Variants in CUX2 observed in about 807,000 individuals in gnomAD.
CUX2 encodes homeobox protein cut-like 2.
CUX2 carries 40 observed loss-of-function variants against 144.8 expected under a neutral mutation model. The observed-to-expected ratio is 0.28, with a 90% CI of 0.21 to 0.36. The LOEUF is 0.36. Ranked by LOEUF, CUX2 falls within the 10% of genes least tolerant of loss-of-function variation. The pLI is 1.00. For missense variants in CUX2, 1,615 were observed against 1,994.0 expected (o/e 0.81, Z 3.62); for synonymous variants, 827 against 875.6 (o/e 0.94, Z 0.98).
At chr12:111,319,917 A>C in intron 16 of CUX2, 95 bp from the exon 17 acceptor site, 34 of 1,389,938 alleles carry the variant, frequency 2.4e-5, no homozygotes, top group East Asian at 2.9e-5. Flanking sequence ...TTGCCTGGAC[A>C]CCGTGCTGGC....
intron 5 of CUX2, 29 bp downstream of exon 5, chr12:111,291,581 A>G (rs1372834387): frequency 6.5e-7 from 1 of 1,546,920 alleles, no homozygotes. Context: ...CGGAGCGTCT[A>G]CAATAAACAA....
At chr12:111,154,325 G>A (rs1253803416) in intron 1 of CUX2, among the ~76,000 whole-genome samples, 2 of 152,078 alleles carry the variant, frequency 1.3e-5, no homozygotes, top group Admixed American at 6.5e-5. Context: ...CTCCTGGAGC[G>A]AGACTTCAGA....
chr12:111,229,985 G>C (rs1443955973), intron 3 of CUX2, among the ~76,000 whole-genome samples: 1 of 148,102 alleles, frequency 6.8e-6, no homozygotes, highest in Non-Finnish European at 1.5e-5. Context: ...CTGCACTCCA[G>C]CCTGGATGAC....
chr12:111,209,041 C>G (rs1881064851), intron 1 of CUX2, among the ~76,000 whole-genome samples: 1 of 152,082 alleles, frequency 6.6e-6, no homozygotes, highest in African/African-American at 2.4e-5. Flanking sequence ...TGCCAGGGTC[C>G]AAATCATCGT....
At chr12:111,336,404 G>C (rs113915559) in intron 19 of CUX2, among the ~76,000 whole-genome samples, 1 of 149,508 alleles carries the variant, frequency 6.7e-6, no homozygotes, top group Admixed American at 6.7e-5. Flanking sequence ...CTCCCCATTG[G>C]CCTCTCAGAC....
chr12:111,310,186 G>T lies in CUX2; in HGVS notation c.1404G>T (p.Leu468Phe). 4 of 1,540,930 alleles carry T rather than the reference G, an allele frequency of 2.6e-6. No individual in the cohort carries two copies. The highest frequency in any genetic ancestry group is 3.5e-6 in the Non-Finnish European group (4 of 1,144,924). ...GGCAGCCCCTGCTGGGCCCCAGCTT[G>T]GGGCCTGACGGCACTCGGACTTTCT... ...SPGQPLLGPS[L>F]GPDGTRTFSL... The change falls in exon 15 of 22, where the codon TTG (leucine) becomes TTT (phenylalanine). Residue 468 changes from leucine to phenylalanine, a missense_variant. This residue lies in a region of CUX2 where 154 missense variants were observed against 148.4 expected (regional missense o/e 1.04). Transcript: ENST00000261726. This position sits in a 1 kb window ranked among gnomAD's most constrained non-coding sequence, Gnocchi z 7.9.
At position 111,310,418 on chromosome 12, in the gene CUX2, C is replaced by T. The variant is rs1027222206; in HGVS notation, c.1636C>T (p.Pro546Ser). The T allele has an allele frequency of 3.1e-6, 5 of 1,609,968 alleles. No individual in the cohort carries two copies. Among genetic ancestry groups the T allele is most frequent in the Non-Finnish European group, 4.2e-6 (5 of 1,178,698 alleles). Reference protein sequence around the residue: ...ADGGGGGAAGPGAEEEQLDTA... With the variant: ...ADGGGGGAAGSGAEEEQLDTA... ...TGGTGGTGGGGGCGGAGCGGCGGGG[C>T]CCGGGGCAGAGGAGGAGCAGCTGGA... is the stretch of plus-strand genomic sequence containing the variant. Residue 546 changes from proline (P) to serine (S), a missense_variant, in exon 15 of 22, where the codon CCC becomes TCC. By Grantham distance (74) the Pro-to-Ser change is moderately conservative. Transcript: ENST00000261726. The surrounding 1 kb of genome is among the most constrained non-coding windows in gnomAD (Gnocchi z 7.9).
intron 1 of CUX2, among the ~76,000 whole-genome samples, chr12:111,191,622 A>C (rs1234327734): frequency 1.3e-5 from 2 of 152,108 alleles, no homozygotes; most frequent in Non-Finnish European, 2.9e-5. Context: ...CCCCATACCC[A>C]GCCCTGCCAC....
intron 1 of CUX2, among the ~76,000 whole-genome samples, chr12:111,096,682 A>G (rs1872835737): frequency 6.6e-6 from 1 of 152,274 alleles, no homozygotes; most frequent in East Asian, 1.9e-4. Context: ...TTGAGCTGGA[A>G]TTGTTCAGGA....
chr12:111,083,242 G>A (rs528199816), intron 1 of CUX2, among the ~76,000 whole-genome samples: 53 of 152,304 alleles, frequency 3.5e-4, no homozygotes, highest in African/African-American at 1.2e-3. Context: ...CACCAAGCAG[G>A]TGACCATTGA....
intron 1 of CUX2, among the ~76,000 whole-genome samples, chr12:111,081,653 G>A (rs757255314): frequency 3.3e-5 from 5 of 152,186 alleles, no homozygotes; most frequent in Non-Finnish European, 7.3e-5. Context: ...ACAATTGGGA[G>A]AAGTTAGGAT....
At chr12:111,126,784 C>A (rs1052705672) in intron 1 of CUX2, among the ~76,000 whole-genome samples, 7 of 152,206 alleles carry the variant, frequency 4.6e-5, no homozygotes, top group African/African-American at 1.7e-4. Flanking sequence ...TTAACCATCA[C>A]AAGTCCACCC....
chr12:111,154,967 G>T (rs990505751), intron 1 of CUX2, among the ~76,000 whole-genome samples: 1 of 152,182 alleles, frequency 6.6e-6, no homozygotes, highest in South Asian at 2.1e-4. Context: ...TGCTGCTGTG[G>T]TAGGTGCTAT....
chr12:111,311,128 C>G (rs1311004947), intron 15 of CUX2, among the ~76,000 whole-genome samples: 1 of 152,228 alleles, frequency 6.6e-6, no homozygotes, highest in African/African-American at 2.4e-5. Flanking sequence ...ACTGGGTGAC[C>G]TCAGACAACT....
At chr12:111,108,149 A>C (rs1202016077) in intron 1 of CUX2, among the ~76,000 whole-genome samples, 1 of 152,112 alleles carries the variant, frequency 6.6e-6, no homozygotes, top group Non-Finnish European at 1.5e-5. Flanking sequence ...ATGTCCCTCC[A>C]TTTGAGAATG....
Position 111,293,365 on chromosome 12 carries a change from C to T in CUX2, c.437-81C>T, listed in dbSNP as rs571278069. 15 of 1,496,724 alleles carry T rather than the reference C, an allele frequency of 1.0e-5. No homozygotes were observed. Among genetic ancestry groups the T allele is most frequent in the East Asian group, 2.4e-5 (1 of 42,276 alleles). 92.7% of individuals were successfully genotyped at this position (1,496,724 alleles called of 1,614,324 possible). On this transcript the variant is annotated intron_variant, in intron 5 of 21. Transcript: ENST00000261726. This position sits in a 1 kb window ranked among gnomAD's most constrained non-coding sequence, Gnocchi z 4.5. ...TGGGAAATTGATCACAATCAATGATCGATCCGGTTTACAGAAAGCGGCTCT... is the reference window on the plus strand; with the variant it reads ...TGGGAAATTGATCACAATCAATGATTGATCCGGTTTACAGAAAGCGGCTCT...
chr12:111,087,284 C>T (rs1872282636), intron 1 of CUX2, among the ~76,000 whole-genome samples: 1 of 134,120 alleles, frequency 7.5e-6, no homozygotes, highest in Admixed American at 8.5e-5. Flanking sequence ...AGGAGAATTG[C>T]TTGAACCTGG....
chr12:111,203,190 C>CCA (rs1880703991), intron 1 of CUX2, among the ~76,000 whole-genome samples: 1 of 147,888 alleles, frequency 6.8e-6, no homozygotes, highest in African/African-American at 2.5e-5. Context: ...CAAGATCATG[C>CCA]CACTGCACTC....
chr12:111,218,343 C>T (rs1281407434), intron 3 of CUX2, among the ~76,000 whole-genome samples: 1 of 151,944 alleles, frequency 6.6e-6, no homozygotes, highest in Non-Finnish European at 1.5e-5. Flanking sequence ...GCAAGACCCC[C>T]ATCTCTACAA....
Sources: allele counts gnomAD v4.1 joint callset (sites outside exome capture counted in the v4.1 genomes callset), GRCh38; gene constraint gnomAD v4.1.1; regional missense constraint gnomAD v4.1.1; non-coding constraint Gnocchi (gnomAD v3.1); transcripts MANE v1.5; gene names NCBI Gene and HGNC (gene_info 2026-07-23, HGNC 2026-07-21).